CTNNBL1: variants seen among roughly 807,000 people sequenced by gnomAD.
CTNNBL1 encodes catenin beta like 1.
In CTNNBL1, 31 loss-of-function variants were observed where a neutral mutation model predicts 72.7. That is an observed-to-expected ratio of 0.43 (90% CI 0.32 to 0.58). CTNNBL1 has a LOEUF of 0.58. CTNNBL1 is among the 20% of genes least tolerant of loss of function. The pLI, the probability that CTNNBL1 is intolerant of heterozygous loss-of-function variation, is 0.08. For synonymous variants in CTNNBL1, 240 were observed against 267.3 expected, an observed-to-expected ratio of 0.90 and a Z score of 1.00; for missense variants, 534 against 725.1, an observed-to-expected ratio of 0.74 and a Z score of 3.03.
Position 37,777,434 on chromosome 20 carries a change from G to A in CTNNBL1, c.823+17G>A. ...ACAATGATGGTGAGGCGCCCTCTCA[G>A]TATTGATATTCTGTTAGGATAGGAG... On this transcript the variant is annotated intron_variant, in intron 8 of 15. Transcript: ENST00000361383. 1.2e-6 allele frequency: 2 copies of A among 1,611,026 alleles called. No individual in the cohort carries two copies. Among genetic ancestry groups the A allele is most frequent in the Non-Finnish European group, 1.7e-6 (2 of 1,177,208 alleles).
At chr20:37,791,507 T>C (rs1201252201) in intron 10 of CTNNBL1, among the ~76,000 whole-genome samples, 1 of 152,238 alleles carries the variant, frequency 6.6e-6, no homozygotes, top group East Asian at 1.9e-4. Flanking sequence ...TATATCTTTT[T>C]TGGTGATATC....
intron 13 of CTNNBL1, among the ~76,000 whole-genome samples, chr20:37,859,368 A>G (rs1043506479): frequency 3.3e-5 from 5 of 151,934 alleles, no homozygotes; most frequent in Non-Finnish European, 4.4e-5. Flanking sequence ...AAAAAAAAAA[A>G]AAAAGAAAAG....
At position 37,792,728 on chromosome 20, in the gene CTNNBL1, AGGATACCCCTAAG is replaced by A. The variant is rs530398746; in HGVS notation, c.1032-10119_1032-10107del. ...CCAAGCATTTCGAAGGGATACTCAA[AGGATACCCCTAAG>A]GGATACCCCTAAGGGATACTCAACC... On this transcript the variant is annotated intron_variant, in intron 10 of 15. Coordinates refer to ENST00000361383, the MANE Select transcript of CTNNBL1 (RefSeq NM_030877.5). Among the ~76,000 whole-genome samples, 958 of 152,336 alleles carry A rather than the reference AGGATACCCCTAAG, an allele frequency of 6.3e-3. 7 individuals carry two copies. Among genetic ancestry groups the A allele is most frequent in the Middle Eastern group, 0.027 (8 of 294 alleles).
At chr20:37,761,646 C>G (rs1001849090) in intron 5 of CTNNBL1, among the ~76,000 whole-genome samples, 5 of 152,226 alleles carry the variant, frequency 3.3e-5, no homozygotes, top group Non-Finnish European at 7.3e-5. Flanking sequence ...CTGACAAAGC[C>G]TCTGCTTTTG....
chr20:37,759,433 C>G (rs2073395018), intron 5 of CTNNBL1, among the ~76,000 whole-genome samples: 1 of 152,052 alleles, frequency 6.6e-6, no homozygotes, highest in African/African-American at 2.4e-5. Context: ...CTGGCTGTTG[C>G]ATGTAAAACA....
intron 3 of CTNNBL1, among the ~76,000 whole-genome samples, chr20:37,744,260 G>A (rs1303013613): frequency 3.3e-5 from 5 of 152,158 alleles, no homozygotes; most frequent in Admixed American, 6.5e-5. Flanking sequence ...TGTGAAGAGG[G>A]TAAGGGGAAA....
intron 11 of CTNNBL1, among the ~76,000 whole-genome samples, chr20:37,825,696 A>G (rs1568798099): frequency 6.6e-6 from 1 of 152,038 alleles, no homozygotes; most frequent in Non-Finnish European, 1.5e-5. Flanking sequence ...GTAGTAAGAG[A>G]ATGGATATTA....
At chr20:37,779,486 G>A in intron 10 of CTNNBL1, 151 bp downstream of exon 10, 1 of 785,156 alleles carries the variant, frequency 1.3e-6, no homozygotes, top group East Asian at 2.5e-5. Context: ...GGGGGGATGT[G>A]TTTGTATAGG....
intron 13 of CTNNBL1, among the ~76,000 whole-genome samples, chr20:37,858,677 G>A (rs2072463980): frequency 6.6e-6 from 1 of 152,192 alleles, no homozygotes; most frequent in African/African-American, 2.4e-5. Context: ...ACTTTCAGTG[G>A]ATGAATTGTA....
At chr20:37,853,383 T>C (rs1026088323) in intron 13 of CTNNBL1, among the ~76,000 whole-genome samples, 1 of 152,140 alleles carries the variant, frequency 6.6e-6, no homozygotes, top group Non-Finnish European at 1.5e-5. Context: ...GGGAGAAGCT[T>C]GTGATGATAA....
chr20:37,760,601 C>T (rs1474677576), intron 5 of CTNNBL1, among the ~76,000 whole-genome samples: 1 of 152,184 alleles, frequency 6.6e-6, no homozygotes, highest in African/African-American at 2.4e-5. Context: ...ATTCTGTGTC[C>T]TTGGGAAAGT....
chr20:37,780,772 C>T (rs1004954079), intron 10 of CTNNBL1, among the ~76,000 whole-genome samples: 2 of 152,150 alleles, frequency 1.3e-5, no homozygotes, highest in Non-Finnish European at 2.9e-5. Flanking sequence ...TTCTTGGAAA[C>T]CATAACTTTA....
At chr20:37,760,328 C>T (rs912200634) in intron 5 of CTNNBL1, among the ~76,000 whole-genome samples, 1 of 152,154 alleles carries the variant, frequency 6.6e-6, no homozygotes, top group Non-Finnish European at 1.5e-5. Flanking sequence ...GCTAGGTAGT[C>T]CCATGCCTTC....
intron 4 of CTNNBL1, among the ~76,000 whole-genome samples, chr20:37,751,820 C>T (rs2122635425): frequency 6.6e-6 from 1 of 152,338 alleles, no homozygotes; most frequent in Admixed American, 6.5e-5. Context: ...TAAGCACTGT[C>T]TAACAAGACT....
chr20:37,767,853 G>A (rs2073484065), intron 6 of CTNNBL1, 100 bp from the exon 7 acceptor site: 3 of 886,504 alleles, frequency 3.4e-6, no homozygotes, highest in East Asian at 2.4e-5. Context: ...GTAATGCAGG[G>A]AAGTGGGGAG....
chr20:37,803,136 TG>T, intron 11 of CTNNBL1, 88 bp downstream of exon 11: 2 of 1,231,654 alleles, frequency 1.6e-6, no homozygotes, highest in South Asian at 1.4e-5. Context: ...CTGACGTGTT[TG>T]GGGGATAGAG....
At chr20:37,766,575 T>C (rs1229467543) in intron 6 of CTNNBL1, among the ~76,000 whole-genome samples, 1 of 152,138 alleles carries the variant, frequency 6.6e-6, no homozygotes, top group Non-Finnish European at 1.5e-5. Context: ...AGCCTCCAAA[T>C]TGCTGGATAG....
Position 37,779,276 on chromosome 20 carries a change from TTCCAATCG to T in CTNNBL1, c.974_981del (p.Ser325Ter). ...CCCTCTGCTCCTGTCTAATGCTTAG[TTCCAATCG>T]TGAGCGCTTCCTGAAGGGCGAGGGT... On this transcript the variant is annotated frameshift_variant, in exon 10 of 16. Coordinates refer to ENST00000361383, the MANE Select transcript of CTNNBL1 (RefSeq NM_030877.5). LOFTEE classifies it high-confidence loss of function. 4 of 1,613,866 alleles carry T rather than the reference TTCCAATCG, an allele frequency of 2.5e-6. No homozygotes were observed. Among genetic ancestry groups the T allele is most frequent in the Non-Finnish European group, 3.4e-6 (4 of 1,179,768 alleles).
intron 13 of CTNNBL1, among the ~76,000 whole-genome samples, chr20:37,851,279 T>C (rs2072394698): frequency 6.6e-6 from 1 of 152,144 alleles, no homozygotes; most frequent in Admixed American, 6.5e-5. Context: ...CCCTCTCTTA[T>C]GGAATGAACA....
Sources: allele counts gnomAD v4.1 joint callset (sites outside exome capture counted in the v4.1 genomes callset), GRCh38; gene constraint gnomAD v4.1.1; transcripts MANE v1.5; gene names NCBI Gene and HGNC (gene_info 2026-07-23, HGNC 2026-07-21).